FANCA: variants seen among roughly 807,000 people sequenced by gnomAD.
FANCA encodes the protein FA complementation group A.
FANCA carries 236 observed loss-of-function variants against 194.3 expected under a neutral mutation model. That is an observed-to-expected ratio of 1.21 (90% CI 1.09 to 1.35). The LOEUF (loss-of-function observed/expected upper bound fraction) is 1.35, where lower values mean the gene tolerates loss of function less well. Among genes scored for constraint, FANCA ranks in the 40% most tolerant of loss-of-function variants. The pLI is 0.00. For missense variants in FANCA, 2,628 were observed against 1,813.9 expected (o/e 1.45, Z -8.15); for synonymous variants, 1,014 against 715.8 (o/e 1.42, Z -6.65).
chr16:89,784,067 T>C (rs1468710521), intron 15 of FANCA, among the ~76,000 whole-genome samples: 1 of 152,020 alleles, frequency 6.6e-6, no homozygotes, highest in Non-Finnish European at 1.5e-5. Flanking sequence ...GCCAATTTTC[T>C]TAAAAGATGA....
At position 89,778,887 on chromosome 16, in the gene FANCA, GGAAA is replaced by G. The variant is rs56163653; in HGVS notation, c.1777-41_1777-38del. 1.9e-3 allele frequency: 3,133 copies of G among 1,613,982 alleles called. 54 individuals are homozygous for G. In the African/African-American group the frequency reaches 0.035, roughly 18 times the overall value. ...GAAGAGACCTGTGAGAGACTGACAA[GGAAA>G]GTCCTTGCTTTCTACACAACTGGTC... On this transcript the variant is annotated intron_variant, in intron 19 of 42. Transcript: ENST00000389301.
At chr16:89,779,809 A>C in intron 18 of FANCA, 60 bp downstream of exon 18, 1 of 1,404,174 alleles carries the variant, frequency 7.1e-7, no homozygotes, top group Non-Finnish European at 1.0e-6. Flanking sequence ...TACTGCAGGC[A>C]TCAGAGCGCG....
chr16:89,792,509 C>A lies in FANCA; in HGVS notation c.1045G>T (p.Ala349Ser). The change falls in exon 12 of 43, where the codon GCG (alanine) becomes TCG (serine). Residue 349 changes from alanine to serine, a missense_variant. Ala to Ser is a moderately conservative substitution (Grantham distance 99). Transcript: ENST00000389301. Reference sequence around the variant, plus strand: ...GAGGTGAGCAGAGGGTGTGTCCGCGCAAAGCTCCACTCTCTCTGCATCTGA... The same window carrying A: ...GAGGTGAGCAGAGGGTGTGTCCGCGAAAAGCTCCACTCTCTCTGCATCTGA... ...AVQMQREWSF[A>S]RTHPLLTSLY... 6.2e-7 allele frequency: 1 copy of A among 1,613,532 alleles called. No individual in the cohort carries two copies. Among genetic ancestry groups the A allele is most frequent in the Middle Eastern group, 1.8e-4 (1 of 5,536 alleles).
At chr16:89,793,876 G>A (rs576103128) in intron 11 of FANCA, among the ~76,000 whole-genome samples, 4 of 151,988 alleles carry the variant, frequency 2.6e-5, no homozygotes, top group Admixed American at 6.6e-5. Context: ...TCAGCCTCCC[G>A]AGTAGCTGGG....
rs1034662653 is a variant in FANCA at position 89,737,667 on chromosome 16, G to A, written c.*934C>T. 2.0e-6 allele frequency: 3 copies of A among 1,500,030 alleles called. No individual in the cohort carries two copies. Among genetic ancestry groups the A allele is most frequent in the Non-Finnish European group, 2.7e-6 (3 of 1,122,368 alleles). The allele number at this position is 1,500,030 out of a possible 1,614,324, so 92.9% of individuals were successfully genotyped here. ...ATCTTAATAAACGAGGCCCTCATAG[G>A]CCCCTTGCTTGGGCCCACTGCATGG... On this transcript the variant is annotated 3_prime_UTR_variant, in exon 43 of 43. Transcript: ENST00000389301.
At chr16:89,794,963 T>C (rs906962493) in intron 11 of FANCA, among the ~76,000 whole-genome samples, 1 of 151,984 alleles carries the variant, frequency 6.6e-6, no homozygotes, top group Non-Finnish European at 1.5e-5. Flanking sequence ...AGAAGGAGAA[T>C]GTGCATGCTC....
intron 33 of FANCA, among the ~76,000 whole-genome samples, chr16:89,747,531 T>C (rs2038431737): frequency 6.6e-6 from 1 of 151,988 alleles, no homozygotes; most frequent in African/African-American, 2.4e-5. Flanking sequence ...AAACGTCATC[T>C]CTACTAAAAA....
intron 31 of FANCA, among the ~76,000 whole-genome samples, 194 bp from the exon 32 acceptor site, chr16:89,750,096 C>CT (rs1488511534): frequency 6.6e-6 from 1 of 152,202 alleles, no homozygotes; most frequent in Non-Finnish European, 1.5e-5. Flanking sequence ...GGTGCTGTGG[C>CT]TCACGTCTGT....
At chr16:89,804,952 C>G (rs1350770618) in intron 7 of FANCA, among the ~76,000 whole-genome samples, 3 of 152,260 alleles carry the variant, frequency 2.0e-5, no homozygotes, top group East Asian at 3.9e-4. Context: ...CAGAGAATCA[C>G]TTGAACCCAG....
chr16:89,783,813 G>C (rs2039805551), intron 15 of FANCA, among the ~76,000 whole-genome samples: 1 of 152,020 alleles, frequency 6.6e-6, no homozygotes, highest in African/African-American at 2.4e-5. Context: ...GCCCAGGCTG[G>C]AGTGCAATGG....
chr16:89,740,636 C>CAAAAAA lies in FANCA; in HGVS notation c.3828+162_3828+167dup, dbSNP rs371709074. On this transcript the variant is annotated intron_variant, in intron 38 of 42. Transcript: ENST00000389301. ...GGGTGACAGAGTGAGACCCCCATCT[C>CAAAAAA]AAAAAAAAAAAAAAAAAACCCACGG... The CAAAAAA allele has an allele frequency of 6.4e-3, 2,914 of 458,444 alleles. 2 individuals are homozygous for CAAAAAA. The highest frequency in any genetic ancestry group is 0.016 in the East Asian group (426 of 27,312). 28.4% of individuals were successfully genotyped at this position (458,444 alleles called of 1,614,324 possible).
At chr16:89,753,342 T>C (rs954790741) in intron 30 of FANCA, among the ~76,000 whole-genome samples, 27 of 152,202 alleles carry the variant, frequency 1.8e-4, no homozygotes, top group Admixed American at 1.8e-3. Flanking sequence ...TTGGTGGTAG[T>C]GGTCCCCCGG....
At chr16:89,770,067 A>G in intron 25 of FANCA, 43 bp from the exon 26 acceptor site, 7 of 1,600,838 alleles carry the variant, frequency 4.4e-6, no homozygotes, top group Non-Finnish European at 6.0e-6. Flanking sequence ...GCCCTCTTCC[A>G]AGCTGGAATT....
rs924500622 is a variant in FANCA, at chr16:89,798,484, T to C, written c.893+682A>G. 9 of 1,095,880 alleles carry C rather than the reference T, an allele frequency of 8.2e-6. No individual in the cohort carries two copies. The South Asian group carries it at 1.9e-4, about 23-fold the overall frequency. The allele number at this position is 1,095,880 out of a possible 1,614,324, so 67.9% of individuals were successfully genotyped here. A position where few individuals can be genotyped will look rare whatever the true frequency, so the allele number is the denominator to read the frequency against. On this transcript the variant is annotated intron_variant, in intron 10 of 42. Coordinates refer to ENST00000389301, the MANE Select transcript of FANCA (RefSeq NM_000135.4). Reference sequence around the variant, plus strand: ...AGGAGCAAAATAAAGAATGAAAAGGTTGACAAGGCCTGGAAACAGTGGCAA... The same window carrying C: ...AGGAGCAAAATAAAGAATGAAAAGGCTGACAAGGCCTGGAAACAGTGGCAA...
At chr16:89,798,622 C>G (rs1314877903) in intron 10 of FANCA, 5 of 1,176,564 alleles carry the variant, frequency 4.2e-6, no homozygotes, top group African/African-American at 1.5e-5. Flanking sequence ...CACCCAGCCC[C>G]CACTCCTCAG....
intron 30 of FANCA, among the ~76,000 whole-genome samples, chr16:89,755,192 C>A (rs924796402): frequency 5.9e-4 from 89 of 152,040 alleles, no homozygotes; most frequent in African/African-American, 2.0e-3. Flanking sequence ...CAGAATAAAG[C>A]TGGATGACCT....
At chr16:89,740,542 A>T in intron 38 of FANCA, 1 of 523,804 alleles carries the variant, frequency 1.9e-6, no homozygotes, top group African/African-American at 1.9e-5. Context: ...AGGCTGATGC[A>T]GGAGAATTGC....
Position 89,811,111 on chromosome 16 carries a change from T to C in FANCA, c.284-40A>G, listed in dbSNP as rs747562550. 1.7e-5 allele frequency: 27 copies of C among 1,612,312 alleles called. No individual in the cohort carries two copies. In the South Asian group the frequency reaches 2.3e-4, roughly 14 times the overall value. On this transcript the variant is annotated intron_variant, in intron 3 of 42. Coordinates refer to ENST00000389301, the MANE Select transcript of FANCA (RefSeq NM_000135.4). ...AAAACCATAGCTTTCTCTTAACACA[T>C]GAGACAAAATCTAAAACCAAAGACT...
At chr16:89,763,929 A>AC (rs1449910871) in intron 28 of FANCA, among the ~76,000 whole-genome samples, 1 of 141,750 alleles carries the variant, frequency 7.1e-6, no homozygotes, top group African/African-American at 2.7e-5. Flanking sequence ...AGAAAAAAAA[A>AC]ACAAAACAAC....
Sources: allele counts gnomAD v4.1 joint callset (sites outside exome capture counted in the v4.1 genomes callset), GRCh38; gene constraint gnomAD v4.1.1; transcripts MANE v1.5; gene names NCBI Gene and HGNC (gene_info 2026-07-23, HGNC 2026-07-21).